Variants in DBH observed in about 807,000 individuals in gnomAD.
The protein encoded by DBH is dopamine beta-hydroxylase (dopamine beta-monooxygenase).
Under a neutral mutation model 64.0 loss-of-function variants are expected in DBH, and 49 were observed. The ratio of observed to expected loss-of-function variants is 0.77; its 90% CI spans 0.61 to 0.97. DBH has a LOEUF of 0.97. Ranked by LOEUF, DBH falls within the 50% of genes least tolerant of loss-of-function variation. The probability of loss-of-function intolerance (pLI) is 0.00; values close to 1 mark genes in which losing one functional copy is unlikely to be tolerated. For missense variants in DBH, 828 were observed against 826.6 expected (o/e 1.00, Z -0.02); for synonymous variants, 343 against 347.1 (o/e 0.99, Z 0.13).
At chr9:133,645,576 G>C (rs1832172499) in intron 5 of DBH, among the ~76,000 whole-genome samples, 1 of 152,128 alleles carries the variant, frequency 6.6e-6, no homozygotes. Flanking sequence ...TTAACCAATT[G>C]CAACACCCTT....
chr9:133,656,403 C>G, intron 9 of DBH, 120 bp from the exon 10 acceptor site: 1 of 1,414,038 alleles, frequency 7.1e-7, no homozygotes, highest in East Asian at 2.3e-5. Context: ...CAGAGCATGC[C>G]TGGCACGGTG....
chr9:133,636,804 G>A (rs1832059065), intron 1 of DBH, 94 bp downstream of exon 1: 1 of 1,213,608 alleles, frequency 8.2e-7, no homozygotes, highest in Admixed American at 2.0e-5. Flanking sequence ...AACCCAGAAA[G>A]TTCTTCTGTC....
chr9:133,648,359 T>C (rs962488435), intron 6 of DBH, among the ~76,000 whole-genome samples: 1 of 152,202 alleles, frequency 6.6e-6, no homozygotes, highest in Non-Finnish European at 1.5e-5. Flanking sequence ...AAGAGAACGC[T>C]CCCCTCATCC....
Position 133,644,264 on chromosome 9 carries a change from G to T in DBH, c.968G>T (p.Gly323Val), listed in dbSNP as rs775370876. 12 of 1,614,152 alleles carry T rather than the reference G, an allele frequency of 7.4e-6. No homozygotes were observed. Among genetic ancestry groups the T allele is most frequent in the Non-Finnish European group, 1.0e-5 (12 of 1,180,012 alleles). Residue 323 changes from glycine (G) to valine (V), a missense_variant, in exon 5 of 12, where the codon GGG becomes GTG. Gly to Val is a moderately radical substitution (Grantham distance 109, BLOSUM62 -3). Transcript: ENST00000393056. ...GCCGGCCTTGCCTTCGGGGGTCCAG[G>T]GTCCTCCAGATATCTCCGCCTGGAA... The part of the protein sequence containing the change: ...EEAGLAFGGP[G>V]SSRYLRLEVH...
chr9:133,639,792 G>A (rs958315068), intron 1 of DBH, 54 bp from the exon 2 acceptor site: 44 of 1,578,054 alleles, frequency 2.8e-5, no homozygotes, highest in Non-Finnish European at 3.7e-5. Flanking sequence ...CTTCCCCTGT[G>A]GATTGGCCCG....
In DBH at chr9:133,643,295, TTGTC is replaced by T. The variant is rs1397521244; in HGVS notation, c.745-115_745-112del. On this transcript the variant is annotated intron_variant, in intron 3 of 11. Transcript: ENST00000393056. This position sits in a 1 kb window ranked among gnomAD's most constrained non-coding sequence, Gnocchi z 5.3. ...GTGAACCCCAGAAGTGCCCCTGAAA[TTGTC>T]TGGATCATCCCTCCCATTTTACAGA... 14 of 1,085,298 alleles carry T rather than the reference TTGTC, an allele frequency of 1.3e-5. No individual in the cohort carries two copies. The East Asian group carries it at 3.6e-4, about 28-fold the overall frequency. 67.2% of individuals were successfully genotyped at this position (1,085,298 alleles called of 1,614,324 possible).
At chr9:133,647,722 T>TG (rs1027298037) in intron 5 of DBH, 124 bp from the exon 6 acceptor site, 34 of 1,181,806 alleles carry the variant, frequency 2.9e-5, no homozygotes, top group African/African-American at 2.1e-4. Flanking sequence ...TGGGAGCAGA[T>TG]GGGGGGTGAC....
intron 7 of DBH, 62 bp from the exon 8 acceptor site, chr9:133,652,184 G>A (rs1320126600): frequency 1.3e-6 from 2 of 1,598,634 alleles, no homozygotes; most frequent in African/African-American, 1.3e-5. Context: ...CAGTGGCCGG[G>A]GGTCTGGTCT....
chr9:133,640,997 G>A (rs1832110199), intron 2 of DBH, among the ~76,000 whole-genome samples: 1 of 152,200 alleles, frequency 6.6e-6, no homozygotes, highest in African/African-American at 2.4e-5. Context: ...TAGGGCTGAG[G>A]CAATATTGGC....
intron 4 of DBH, 60 bp from the exon 5 acceptor site, chr9:133,644,158 T>A (rs974933815): frequency 2.3e-5 from 31 of 1,327,704 alleles, no homozygotes; most frequent in Non-Finnish European, 3.2e-5. Flanking sequence ...GGTTTGCCCC[T>A]GCCCAGACCT....
chr9:133,638,571 C>T (rs1010990455), intron 1 of DBH, among the ~76,000 whole-genome samples: 3 of 152,026 alleles, frequency 2.0e-5, no homozygotes, highest in African/African-American at 7.2e-5. Context: ...TTGCCTGGTT[C>T]CTGGCCCTAG....
intron 11 of DBH, among the ~76,000 whole-genome samples, chr9:133,657,836 G>T (rs1832355438): frequency 6.6e-6 from 1 of 152,210 alleles, no homozygotes; most frequent in Non-Finnish European, 1.5e-5. Flanking sequence ...GATCCAGGAA[G>T]ATCCTTCCCA....
In DBH at chr9:133,651,771, C is replaced by T; in HGVS notation, c.1329C>T (p.His443=). The T allele has an allele frequency of 1.9e-6, 3 of 1,599,050 alleles. No individual in the cohort carries two copies. Among genetic ancestry groups the T allele is most frequent in the Non-Finnish European group, 2.6e-6 (3 of 1,173,378 alleles). The change falls in exon 7 of 12, where the codon CAC becomes CAT. Residue 443 remains histidine (H), a synonymous_variant. Transcript: ENST00000393056. ...ACCAGGACAATCACTACAGCCCTCA[C>T]TTCCAGGTAGGAACCTGCACCCCAC... ...IVNQDNHYSP[H]FQEIRMLKKV...
At chr9:133,648,221 A>G (rs546540320) in intron 6 of DBH, among the ~76,000 whole-genome samples, 13 of 152,282 alleles carry the variant, frequency 8.5e-5, no homozygotes, top group African/African-American at 3.1e-4. Context: ...CTCTCCAGCA[A>G]TAACCATGGC....
intron 1 of DBH, among the ~76,000 whole-genome samples, chr9:133,638,915 C>A (rs1436894419): frequency 6.6e-6 from 1 of 152,296 alleles, no homozygotes; most frequent in African/African-American, 2.4e-5. Flanking sequence ...CGTGTCCCTG[C>A]CCCTTAGGGC....
At chr9:133,651,937 C>T (rs992706145) in intron 7 of DBH, among the ~76,000 whole-genome samples, 160 bp downstream of exon 7, 2 of 147,410 alleles carry the variant, frequency 1.4e-5, no homozygotes, top group African/African-American at 5.3e-5. Context: ...GTGCTCCCCA[C>T]TTGGGTGTCT....
Position 133,657,235 on chromosome 9 carries a change from C to A in DBH, c.1722+6C>A. Reference sequence around the variant, plus strand: ...CCTCAGCCGTCCGCTTCCAGGTGCGCTGCCATGGGCCCGGGTGGGGCATGC... The same window carrying A: ...CCTCAGCCGTCCGCTTCCAGGTGCGATGCCATGGGCCCGGGTGGGGCATGC... On this transcript the variant is annotated splice_donor_region_variant and intron_variant, in intron 11 of 11. Transcript: ENST00000393056. 6.2e-7 allele frequency: 1 copy of A among 1,613,680 alleles called. No homozygotes were observed. The highest frequency in any genetic ancestry group is 8.5e-7 in the Non-Finnish European group (1 of 1,180,026).
intron 9 of DBH, chr9:133,655,977 C>T (rs1298739667): frequency 2.5e-5 from 4 of 161,282 alleles, no homozygotes; most frequent in Admixed American, 5.8e-5. Context: ...TGGAGGTTGT[C>T]GCGGCCTCTA....
chr9:133,647,728 G>A (rs983183377), intron 5 of DBH, 118 bp from the exon 6 acceptor site: 25 of 1,271,118 alleles, frequency 2.0e-5, no homozygotes, highest in African/African-American at 3.0e-5. Context: ...CAGATGGGGG[G>A]TGACCGGCCC....
Sources: gnomAD v4.1 joint callset for allele counts (sites outside exome capture counted in the v4.1 genomes callset) on GRCh38, gnomAD v4.1.1 for gene constraint, Gnocchi (gnomAD v3.1) non-coding constraint, MANE v1.5 for transcripts, NCBI Gene and HGNC (gene_info 2026-07-23, HGNC 2026-07-21) for gene names.